Variants in NCOA1 observed in about 807,000 individuals in gnomAD.
NCOA1 encodes Hin-2 protein.
A neutral mutation model predicts 150.9 loss-of-function variants in NCOA1; 35 were observed. That is an observed-to-expected ratio of 0.23 (90% CI 0.18 to 0.31). The LOEUF is 0.31. Among genes scored for constraint, NCOA1 ranks in the 10% least tolerant of loss-of-function variants. The pLI is 1.00. For missense variants in NCOA1, 1,491 were observed against 1,749.3 expected (o/e 0.85, Z 2.63); for synonymous variants, 590 against 630.0 (o/e 0.94, Z 0.95).
intron 14 of NCOA1, among the ~76,000 whole-genome samples, chr2:24,721,848 G>A (rs543872689): frequency 4.6e-5 from 7 of 152,244 alleles, no homozygotes; most frequent in African/African-American, 1.7e-4. Context: ...TTTTAGTTTA[G>A]TTGAAGTTTC....
At chr2:24,518,071 T>C (rs1417612632) in intron 1 of NCOA1, among the ~76,000 whole-genome samples, 1 of 152,292 alleles carries the variant, frequency 6.6e-6, no homozygotes, top group East Asian at 1.9e-4. Context: ...TGAGTGAACA[T>C]ATATTTTAAA....
At chr2:24,595,489 A>AT (rs1331436512) in intron 3 of NCOA1, among the ~76,000 whole-genome samples, 2 of 152,084 alleles carry the variant, frequency 1.3e-5, no homozygotes, top group Admixed American at 6.6e-5. Flanking sequence ...GTTAAAAACT[A>AT]TTTTTATAGG....
At chr2:24,576,163 G>GTTCTTTTTTTTTTTTTTTTTTTTTTTT (rs1666961962) in intron 2 of NCOA1, among the ~76,000 whole-genome samples, 1 of 92,734 alleles carries the variant, frequency 1.1e-5, no homozygotes, top group Non-Finnish European at 2.1e-5. Flanking sequence ...TTTTTTTTTT[G>GTTCTTTTTTTTTTTTTTTTTTTTTTTT]TTTTTTGTTT....
chr2:24,690,237 GACTTCTTAC>G (rs1458613552), intron 8 of NCOA1, among the ~76,000 whole-genome samples: 1 of 152,116 alleles, frequency 6.6e-6, no homozygotes, highest in Admixed American at 6.5e-5. Context: ...CAGAACCCAG[GACTTCTTAC>G]TCCAGTATAG....
chr2:24,601,915 C>T (rs959960491), intron 3 of NCOA1, among the ~76,000 whole-genome samples: 2 of 152,136 alleles, frequency 1.3e-5, no homozygotes, highest in African/African-American at 2.4e-5. Flanking sequence ...GGATAACAGG[C>T]GTGAACCACT....
At chr2:24,500,457 G>T (rs1200646421) in intron 1 of NCOA1, among the ~76,000 whole-genome samples, 1 of 152,190 alleles carries the variant, frequency 6.6e-6, no homozygotes, top group Non-Finnish European at 1.5e-5. Flanking sequence ...AATACTAGAG[G>T]TCTGTGAAGA....
At chr2:24,511,592 G>A (rs1558753920) in intron 1 of NCOA1, among the ~76,000 whole-genome samples, 2 of 151,724 alleles carry the variant, frequency 1.3e-5, no homozygotes, top group Non-Finnish European at 2.9e-5. Context: ...GTACTGAATT[G>A]TAAGAATTCT....
chr2:24,642,035 T>TGCGC (rs1553441361), intron 3 of NCOA1, among the ~76,000 whole-genome samples: 1 of 114,342 alleles, frequency 8.7e-6, no homozygotes, highest in Non-Finnish European at 2.1e-5. Context: ...TGTGTGTGTG[T>TGCGC]GTGCGCGCGT....
chr2:24,597,078 A>G (rs1467107032), intron 3 of NCOA1, among the ~76,000 whole-genome samples: 1 of 152,192 alleles, frequency 6.6e-6, no homozygotes, highest in African/African-American at 2.4e-5. Flanking sequence ...CTTAGGGTGT[A>G]TAATTGGTTT....
chr2:24,497,014 T>C (rs944959407), intron 1 of NCOA1, among the ~76,000 whole-genome samples: 1 of 152,212 alleles, frequency 6.6e-6, no homozygotes, highest in Non-Finnish European at 1.5e-5. Context: ...TGTAAGGCCC[T>C]CATTCATAGT....
At chr2:24,714,462 G>C (rs1482558560) in intron 14 of NCOA1, among the ~76,000 whole-genome samples, 1 of 151,600 alleles carries the variant, frequency 6.6e-6, no homozygotes, top group East Asian at 1.9e-4. Context: ...GAACTTAAGG[G>C]ACAACATGAA....
At chr2:24,634,708 A>ACCCCCCCCCCCCCCCCCCCCCCCCCCCC (rs530645429) in intron 3 of NCOA1, among the ~76,000 whole-genome samples, 1 of 39,716 alleles carries the variant, frequency 2.5e-5, no homozygotes, top group Non-Finnish European at 4.3e-5. Flanking sequence ...TAGGGGAGGA[A>ACCCCCCCCCCCCCCCCCCCCCCCCCCCC]CCCCCCCCCC....
intron 20 of NCOA1, among the ~76,000 whole-genome samples, chr2:24,754,896 G>A (rs796476720): frequency 9.9e-5 from 15 of 152,268 alleles, no homozygotes; most frequent in Admixed American, 3.3e-4. Flanking sequence ...ATAGGTTTTC[G>A]TTGTATTTTA....
rs571055181 is a variant in NCOA1, at chr2:24,734,706, C to G, written c.3202-4726C>G. ...CCTGTAGTCCCAACTACTTAGGAGC[C>G]TAAGTTGGGAGGATCTCTTGAGCCA... On this transcript the variant is annotated intron_variant, in intron 17 of 22. Transcript: ENST00000348332. 5.9e-4 allele frequency among the ~76,000 whole-genome samples: 90 copies of G among 152,024 alleles called. 1 individual carries two copies. Among genetic ancestry groups the G allele is most frequent in the African/African-American group, 2.0e-3 (84 of 41,458 alleles).
At chr2:24,492,305 G>A (rs1663007167) in intron 1 of NCOA1, 1 of 152,320 alleles carries the variant, frequency 6.6e-6, no homozygotes, top group South Asian at 2.1e-4. Context: ...AGGCGATTGG[G>A]AGGTGGGGTT....
chr2:24,529,229 T>A (rs1664780312), intron 1 of NCOA1, among the ~76,000 whole-genome samples: 1 of 152,180 alleles, frequency 6.6e-6, no homozygotes. Flanking sequence ...TTGAAAAAAA[T>A]ATTTAACAGG....
chr2:24,724,031 CAG>C (rs1179695261), intron 14 of NCOA1, among the ~76,000 whole-genome samples: 1 of 152,066 alleles, frequency 6.6e-6, no homozygotes, highest in Non-Finnish European at 1.5e-5. Context: ...TTGGAAGTGA[CAG>C]AAATTTTTAA....
chr2:24,594,276 C>T (rs989528732), intron 3 of NCOA1, among the ~76,000 whole-genome samples: 7 of 151,952 alleles, frequency 4.6e-5, no homozygotes, highest in African/African-American at 1.7e-4. Context: ...GATTTCGTAA[C>T]TTACTGAAAA....
chr2:24,755,070 A>C (rs1664430907), intron 20 of NCOA1, among the ~76,000 whole-genome samples: 1 of 152,196 alleles, frequency 6.6e-6, no homozygotes, highest in South Asian at 2.1e-4. Context: ...GTGACCACTC[A>C]CTGTCTCTGT....
Sources: gnomAD v4.1 joint callset for allele counts (sites outside exome capture counted in the v4.1 genomes callset) on GRCh38, gnomAD v4.1.1 for gene constraint, MANE v1.5 for transcripts, NCBI Gene and HGNC (gene_info 2026-07-23, HGNC 2026-07-21) for gene names.